Variants in CENPC observed in about 807,000 individuals in gnomAD.
The protein encoded by CENPC is CENP-C 1.
In CENPC, 63 loss-of-function variants were observed where a neutral mutation model predicts 112.1. That is an observed-to-expected ratio of 0.56 (90% confidence interval 0.46 to 0.69). CENPC has a LOEUF of 0.69. Ranked by LOEUF, CENPC falls within the 30% of genes least tolerant of loss-of-function variation. The probability of loss-of-function intolerance (pLI) is 0.00; values close to 1 mark genes in which losing one functional copy is unlikely to be tolerated. For synonymous variants in CENPC, 333 were observed against 367.6 expected, an observed-to-expected ratio of 0.91 and a Z score of 1.08; for missense variants, 1,000 against 1,103.8, an observed-to-expected ratio of 0.91 and a Z score of 1.33.
intron 4 of CENPC, among the ~76,000 whole-genome samples, chr4:67,539,610 A>T (rs1442259350): frequency 6.6e-6 from 1 of 152,162 alleles, no homozygotes; most frequent in African/African-American, 2.4e-5. Context: ...GAGAAGTGAA[A>T]AATGTTTATT....
At position 67,474,905 on chromosome 4, in the gene CENPC, G is replaced by A. The variant is rs200509560; in HGVS notation, c.2744C>T (p.Ser915Leu). The A allele has an allele frequency of 1.4e-4, 226 of 1,576,814 alleles. No homozygotes were observed. In the African/African-American group the frequency reaches 2.5e-3, roughly 18 times the overall value. Residue 915 changes from serine (S) to leucine (L), a missense_variant, in exon 18 of 19, where the codon TCG becomes TTG. Coordinates refer to ENST00000273853, the MANE Select transcript of CENPC (RefSeq NM_001812.4). ...TGTCTTACCTGAAGGAACATAGAAC[G>A]AATCCCCAGTACTTAATATATAAGG... Reference protein sequence around the residue: ...ETPYILSTGDSFYVPSGNYYN... With the variant: ...ETPYILSTGDLFYVPSGNYYN...
intron 12 of CENPC, among the ~76,000 whole-genome samples, chr4:67,504,465 G>A (rs1346196529): frequency 7.9e-5 from 12 of 152,082 alleles, no homozygotes; most frequent in Admixed American, 7.2e-4. Flanking sequence ...GCATTTTTAG[G>A]AGCATGAAAA....
intron 4 of CENPC, among the ~76,000 whole-genome samples, chr4:67,534,862 G>T (rs942273148): frequency 6.6e-6 from 1 of 152,152 alleles, no homozygotes; most frequent in African/African-American, 2.4e-5. Context: ...TGAAAAAGGC[G>T]AGGTAATGAG....
At chr4:67,509,525 C>A (rs2109798731) in intron 9 of CENPC, among the ~76,000 whole-genome samples, 1 of 152,158 alleles carries the variant, frequency 6.6e-6, no homozygotes. Flanking sequence ...CCATCTACTG[C>A]TCTCCCCTAT....
intron 6 of CENPC, 42 bp downstream of exon 6, chr4:67,519,175 A>C (rs1418159174): frequency 7.0e-7 from 1 of 1,431,084 alleles, no homozygotes; most frequent in Non-Finnish European, 9.3e-7. Flanking sequence ...ACAAAAAGTA[A>C]AATTTTTAAA....
At chr4:67,521,161 G>A (rs1255671975) in intron 5 of CENPC, among the ~76,000 whole-genome samples, 1 of 126,914 alleles carries the variant, frequency 7.9e-6, no homozygotes, top group African/African-American at 2.9e-5. Context: ...CAAATCTCAG[G>A]AATACAATCA....
intron 4 of CENPC, among the ~76,000 whole-genome samples, chr4:67,539,578 C>T (rs1205048643): frequency 6.6e-6 from 1 of 152,126 alleles, no homozygotes; most frequent in Non-Finnish European, 1.5e-5. Flanking sequence ...TTCCTAAAAA[C>T]CTAATTTGAG....
chr4:67,520,188 C>T (rs932965923), intron 5 of CENPC, among the ~76,000 whole-genome samples: 3 of 152,148 alleles, frequency 2.0e-5, no homozygotes, highest in Admixed American at 6.5e-5. Context: ...CCCCATTCAG[C>T]ACTCTCGGCC....
At chr4:67,495,236 C>T (rs1471328393) in intron 12 of CENPC, 24 bp from the exon 13 acceptor site, 10 of 1,505,728 alleles carry the variant, frequency 6.6e-6, no homozygotes, top group South Asian at 1.3e-5. Context: ...AAGATAATAT[C>T]ATAAGAAATG....
At chr4:67,523,364 C>T (rs1726285220) in intron 5 of CENPC, among the ~76,000 whole-genome samples, 1 of 152,134 alleles carries the variant, frequency 6.6e-6, no homozygotes, top group African/African-American at 2.4e-5. Context: ...AGAAACTGTA[C>T]ATAAGCACTA....
At position 67,479,438 on chromosome 4, in the gene CENPC, T is replaced by C. The variant is rs183997584; in HGVS notation, c.2671-4460A>G. On this transcript the variant is annotated intron_variant, in intron 17 of 18. Transcript: ENST00000273853. ...AAATGAACCCTCAAAACCAAGCAAA[T>C]AGATGGAAATTAAATAATCTCCTCC... Among the ~76,000 whole-genome samples, 13 of 152,128 alleles carry C rather than the reference T, an allele frequency of 8.5e-5. No homozygotes were observed. In the East Asian group the frequency reaches 1.5e-3, roughly 18 times the overall value.
intron 16 of CENPC, among the ~76,000 whole-genome samples, chr4:67,490,715 C>T (rs1218594068): frequency 6.6e-6 from 1 of 151,052 alleles, no homozygotes; most frequent in African/African-American, 2.4e-5. Context: ...CAAAAATTTC[C>T]ATTACTTAAC....
At chr4:67,530,960 C>T (rs1026633386) in intron 4 of CENPC, 46 bp from the exon 5 acceptor site, 4 of 928,820 alleles carry the variant, frequency 4.3e-6, no homozygotes, top group Non-Finnish European at 6.4e-6. Context: ...TATTAACTTA[C>T]CAATTCAATG....
At chr4:67,538,213 G>A (rs1055383928) in intron 4 of CENPC, among the ~76,000 whole-genome samples, 1 of 152,076 alleles carries the variant, frequency 6.6e-6, no homozygotes, top group Non-Finnish European at 1.5e-5. Flanking sequence ...TTAAAGTTAT[G>A]AATTCCCTCT....
At position 67,483,208 on chromosome 4, in the gene CENPC, G is replaced by A. The variant is rs112397682; in HGVS notation, c.2670+6759C>T. Reference sequence around the variant, plus strand: ...CCCAGTCTTGGGCAGTTCTTTATAGGAGTATGAGAAGGGACTAATACATCC... The same window carrying A: ...CCCAGTCTTGGGCAGTTCTTTATAGAAGTATGAGAAGGGACTAATACATCC... On this transcript the variant is annotated intron_variant, in intron 17 of 18. Transcript: ENST00000273853. Among the ~76,000 whole-genome samples the A allele has an allele frequency of 8.2e-3, 1,250 of 152,082 alleles. 5 individuals are homozygous for A. The highest frequency in any genetic ancestry group is 0.048 in the East Asian group (246 of 5,164).
chr4:67,475,440 GAGACTGGAAGC>G (rs1327774344), intron 17 of CENPC, among the ~76,000 whole-genome samples: 4 of 152,312 alleles, frequency 2.6e-5, no homozygotes, highest in East Asian at 1.9e-4. Context: ...CAGTCTGAAC[GAGACTGGAAGC>G]AGACTGGAAG....
chr4:67,518,935 A>G (rs1280934521), intron 6 of CENPC, among the ~76,000 whole-genome samples: 1 of 152,224 alleles, frequency 6.6e-6, no homozygotes, highest in African/African-American at 2.4e-5. Context: ...AAATATTGAG[A>G]AAATACAAAT....
At chr4:67,531,629 C>G (rs1726552711) in intron 4 of CENPC, among the ~76,000 whole-genome samples, 1 of 152,138 alleles carries the variant, frequency 6.6e-6, no homozygotes, top group Non-Finnish European at 1.5e-5. Flanking sequence ...GGACCAACCC[C>G]CAGTGAAAAC....
At chr4:67,537,520 C>T (rs1319408423) in intron 4 of CENPC, among the ~76,000 whole-genome samples, 1 of 152,014 alleles carries the variant, frequency 6.6e-6, no homozygotes, top group Non-Finnish European at 1.5e-5. Context: ...TGGCCGGGTG[C>T]GGTGGCTCAC....
Sources: gnomAD v4.1 joint callset for allele counts (sites outside exome capture counted in the v4.1 genomes callset) on GRCh38, gnomAD v4.1.1 for gene constraint, MANE v1.5 for transcripts, NCBI Gene and HGNC (gene_info 2026-07-23, HGNC 2026-07-21) for gene names.